Variants in BICD1 observed in about 807,000 individuals in gnomAD.
BICD1 encodes BICD cargo adaptor 1.
BICD1 carries 35 observed loss-of-function variants against 92.5 expected under a neutral mutation model. The ratio of observed to expected loss-of-function variants is 0.38; its 90% confidence interval spans 0.29 to 0.50. BICD1 has a LOEUF of 0.50. Ranked by LOEUF, BICD1 falls within the 20% of genes least tolerant of loss-of-function variation. BICD1 has a pLI of 0.93. For missense variants in BICD1, 950 were observed against 1,189.8 expected, an observed-to-expected ratio of 0.80 and a Z score of 2.97; for synonymous variants, 429 against 465.1, an observed-to-expected ratio of 0.92 and a Z score of 1.00.
chr12:32,112,797 T>G (rs1384990165), intron 1 of BICD1, among the ~76,000 whole-genome samples: 1 of 152,170 alleles, frequency 6.6e-6, no homozygotes, highest in Non-Finnish European at 1.5e-5. Flanking sequence ...CTCACCAGTC[T>G]TCAAAACAAT....
In BICD1 at chr12:32,118,069, T is replaced by TTTATTTTATTTTATTTTATG. The variant is rs1224738505; in HGVS notation, c.213+10544_213+10545insGTTATTTTATTTTATTTTAT. 1.8e-3 allele frequency among the ~76,000 whole-genome samples: 256 copies of TTTATTTTATTTTATTTTATG among 142,600 alleles called. 11 individuals carry two copies. In the South Asian group the frequency reaches 0.055, roughly 31 times the overall value. The allele number at this position is 142,600 out of a possible 152,430, so 93.6% of individuals were successfully genotyped here. Reference sequence around the variant, plus strand: ...CGGCCCGCTTAGTCCAATATTTTATTTTATTTTATTTTATTTTATTTATTT... The same window carrying TTTATTTTATTTTATTTTATG: ...CGGCCCGCTTAGTCCAATATTTTATTTTATTTTATTTTATTTTATGTTATTTTATTTTATTTTATTTATTT... On this transcript the variant is annotated intron_variant, in intron 1 of 9. Transcript: ENST00000652176.
intron 2 of BICD1, among the ~76,000 whole-genome samples, chr12:32,238,068 G>A (rs377706002): frequency 9.9e-5 from 15 of 152,092 alleles, no homozygotes; most frequent in Non-Finnish European, 8.8e-5. Context: ...CAGGAGTTTC[G>A]AAGAAGTTGA....
chr12:32,275,442 T>G (rs1947248481), intron 2 of BICD1, among the ~76,000 whole-genome samples: 1 of 152,198 alleles, frequency 6.6e-6, no homozygotes, highest in East Asian at 1.9e-4. Flanking sequence ...CTGGAATCAG[T>G]ATCTCCTCAT....
intron 2 of BICD1, among the ~76,000 whole-genome samples, chr12:32,283,732 A>G (rs904608441): frequency 1.3e-5 from 2 of 152,232 alleles, no homozygotes; most frequent in Admixed American, 1.3e-4. Context: ...ATAACATGAC[A>G]AATGATATGG....
At chr12:32,203,719 G>A (rs1192501608) in intron 1 of BICD1, among the ~76,000 whole-genome samples, 1 of 152,126 alleles carries the variant, frequency 6.6e-6, no homozygotes, top group African/African-American at 2.4e-5. Flanking sequence ...CCACTGGACC[G>A]CTGCATATGT....
At chr12:32,249,689 CT>C (rs35108159) in intron 2 of BICD1, among the ~76,000 whole-genome samples, 124 of 145,598 alleles carry the variant, frequency 8.5e-4, no homozygotes, top group Middle Eastern at 3.5e-3. Flanking sequence ...CTCTCTCTCT[CT>C]TTTTTTTTTT....
chr12:32,370,556 G>A (rs1470757403), intron 9 of BICD1, among the ~76,000 whole-genome samples: 1 of 152,124 alleles, frequency 6.6e-6, no homozygotes, highest in Non-Finnish European at 1.5e-5. Context: ...CATGACAGCT[G>A]TGCACTAAAT....
chr12:32,382,913 C>T lies in BICD1; in HGVS notation c.*5286C>T, dbSNP rs1388027548. On this transcript the variant is annotated 3_prime_UTR_variant, in exon 10 of 10. Transcript: ENST00000652176. The stretch of plus-strand genomic sequence containing the variant: ...GGTTCATAGGTATGATTTGTGCAGC[C>T]AGTCTTAGAGGAAATACATCATTTT... 2.6e-5 allele frequency: 4 copies of T among 151,938 alleles called. No homozygotes were observed. The highest frequency in any genetic ancestry group is 1.9e-4 in the East Asian group (1 of 5,194). 9.4% of individuals were successfully genotyped at this position (151,938 alleles called of 1,614,324 possible).
At chr12:32,280,280 T>A (rs1947380684) in intron 2 of BICD1, among the ~76,000 whole-genome samples, 1 of 152,174 alleles carries the variant, frequency 6.6e-6, no homozygotes, top group East Asian at 1.9e-4. Context: ...AATTTTATTA[T>A]AATTTTACTT....
At chr12:32,166,302 A>G (rs1006646684) in intron 1 of BICD1, among the ~76,000 whole-genome samples, 1 of 151,342 alleles carries the variant, frequency 6.6e-6, no homozygotes, top group Non-Finnish European at 1.5e-5. Flanking sequence ...TGCCTGGCTA[A>G]TTTTTGTATT....
intron 2 of BICD1, among the ~76,000 whole-genome samples, chr12:32,237,337 G>A (rs1278862536): frequency 6.6e-6 from 1 of 152,242 alleles, no homozygotes; most frequent in African/African-American, 2.4e-5. Flanking sequence ...CAAGTAAACA[G>A]CAAGTGCTGA....
At chr12:32,339,308 T>G (rs1938263263) in intron 8 of BICD1, 3 of 1,032,094 alleles carry the variant, frequency 2.9e-6, no homozygotes, top group Non-Finnish European at 3.5e-6. Context: ...GATTCCATCT[T>G]GGTCAGATTT....
intron 1 of BICD1, among the ~76,000 whole-genome samples, chr12:32,117,756 A>G (rs77396442): frequency 4.6e-5 from 5 of 108,362 alleles, no homozygotes; most frequent in African/African-American, 1.6e-4. Context: ...ATATATATAT[A>G]TATTTTTTTT....
intron 2 of BICD1, among the ~76,000 whole-genome samples, chr12:32,260,385 C>G (rs900512669): frequency 5.3e-5 from 8 of 152,150 alleles, no homozygotes; most frequent in African/African-American, 1.9e-4. Flanking sequence ...TGTGCACTCT[C>G]TGGTTTTCCA....
intron 8 of BICD1, among the ~76,000 whole-genome samples, chr12:32,359,981 C>T (rs181095816): frequency 6.6e-6 from 1 of 152,132 alleles, no homozygotes; most frequent in Admixed American, 6.5e-5. Context: ...GTCAGGGGAT[C>T]GAGACCATCC....
chr12:32,347,243 G>A (rs1038317587), intron 8 of BICD1, among the ~76,000 whole-genome samples: 3 of 148,614 alleles, frequency 2.0e-5, no homozygotes, highest in Non-Finnish European at 3.0e-5. Flanking sequence ...GAGCCACTGC[G>A]CCCTGCCCTC....
chr12:32,342,050 T>G (rs562840750), intron 8 of BICD1, among the ~76,000 whole-genome samples: 3 of 151,150 alleles, frequency 2.0e-5, no homozygotes, highest in Admixed American at 2.0e-4. Flanking sequence ...TAACAATATC[T>G]ATTAATCATT....
chr12:32,346,239 G>A (rs547963646), intron 8 of BICD1, among the ~76,000 whole-genome samples: 3 of 151,408 alleles, frequency 2.0e-5, no homozygotes, highest in African/African-American at 7.3e-5. Flanking sequence ...TTTCAACATG[G>A]AATTCATAGG....
chr12:32,186,629 T>C (rs1944429751), intron 1 of BICD1, among the ~76,000 whole-genome samples: 3 of 152,230 alleles, frequency 2.0e-5, no homozygotes, highest in Admixed American at 2.0e-4. Context: ...TTTTATTTGT[T>C]TCCAAATATG....
Sources: allele counts gnomAD v4.1 joint callset (sites outside exome capture counted in the v4.1 genomes callset), GRCh38; gene constraint gnomAD v4.1.1; transcripts MANE v1.5; gene names NCBI Gene and HGNC (gene_info 2026-07-23, HGNC 2026-07-21).